PYROXD2: variants seen among roughly 807,000 people sequenced by gnomAD.
PYROXD2 encodes pyridine nucleotide-disulfide oxidoreductase domain-containing protein 2.
A neutral mutation model predicts 71.1 loss-of-function variants in PYROXD2; 69 were observed. The ratio of observed to expected loss-of-function variants is 0.97; its 90% CI spans 0.80 to 1.19. The LOEUF is 1.19. Ranked by LOEUF, PYROXD2 falls within the 50% of genes most tolerant of loss-of-function variation. PYROXD2 has a pLI of 0.00. For missense variants in PYROXD2, 745 were observed against 748.9 expected, an observed-to-expected ratio of 0.99 and a Z score of 0.06; for synonymous variants, 287 against 302.7, an observed-to-expected ratio of 0.95 and a Z score of 0.54.
intron 8 of PYROXD2, among the ~76,000 whole-genome samples, chr10:98,393,820 A>C (rs577273037): frequency 6.6e-6 from 1 of 151,744 alleles, no homozygotes; most frequent in Admixed American, 6.6e-5. Flanking sequence ...TCTAGCAGGC[A>C]CTCCAGCCTC....
intron 8 of PYROXD2, among the ~76,000 whole-genome samples, chr10:98,393,559 C>T (rs1053381587): frequency 6.6e-6 from 1 of 152,160 alleles, no homozygotes; most frequent in Non-Finnish European, 1.5e-5. Context: ...CCATCTACAT[C>T]CACAAAGCAA....
At chr10:98,397,011 C>T (rs1843208934) in intron 6 of PYROXD2, among the ~76,000 whole-genome samples, 1 of 152,154 alleles carries the variant, frequency 6.6e-6, no homozygotes, top group African/African-American at 2.4e-5. Flanking sequence ...ATCTTGTCAC[C>T]CACAGTGCTG....
chr10:98,383,920 TG>T (rs768290091), intron 15 of PYROXD2, 52 bp from the exon 16 acceptor site: 4 of 1,471,838 alleles, frequency 2.7e-6, no homozygotes, highest in South Asian at 1.1e-5. Flanking sequence ...CCTGCCAGGG[TG>T]GGGGTGGGGA....
In PYROXD2 at chr10:98,388,499, A is replaced by G. The variant is rs1369922102; in HGVS notation, c.1302T>C (p.Ile434=). The change falls in exon 13 of 16, where the codon ATT becomes ATC. Residue 434 remains isoleucine (I), a synonymous_variant. Transcript: ENST00000370575. ...CCAGCGAGGAAGGGATGCAGAGCTC[A>G]ATCACAGGCCTGTGCGGGCAGGGAG... The part of the protein sequence containing the change: ...MDGLPSHRPV[I]ELCIPSSLDP... The G allele has an allele frequency of 6.2e-7, 1 of 1,606,546 alleles. No homozygotes were observed. Among genetic ancestry groups the G allele is most frequent in the Non-Finnish European group, 8.5e-7 (1 of 1,177,074 alleles).
rs978780140 is a variant in PYROXD2 at position 98,399,968 on chromosome 10, G to A, written c.471+134C>T. ...TGAGATCAAGAGCTGCCACCAACTG[G>A]AGCCCTCCTAGGAACGTGGGGTGGC... On this transcript the variant is annotated intron_variant, in intron 5 of 15. Transcript: ENST00000370575. The A allele has an allele frequency of 1.7e-5, 18 of 1,068,410 alleles. No homozygotes were observed. The African/African-American group carries it at 2.4e-4, about 14-fold the overall frequency. 66.2% of individuals were successfully genotyped at this position (1,068,410 alleles called of 1,614,324 possible). A position where few individuals can be genotyped will look rare whatever the true frequency, so the allele number is the denominator to read the frequency against.
chr10:98,400,106 G>A lies in PYROXD2; in HGVS notation c.467C>T (p.Ala156Val), dbSNP rs1204327483. The stretch of plus-strand genomic sequence containing the variant: ...GTCACTGGTCGCCTTCCCTACCTGG[G>A]CATCCTTCTGGGAGAACTGGGCGAT... ...KQIAQFSQKDAQVFPKYEEFM... is the reference protein window; with the variant it reads ...KQIAQFSQKDVQVFPKYEEFM... Residue 156 changes from alanine (A) to valine (V), a missense_variant, in exon 5 of 16, where the codon GCC (alanine) becomes GTC (valine). Coordinates refer to ENST00000370575, the MANE Select transcript of PYROXD2 (RefSeq NM_032709.3). 6.2e-7 allele frequency: 1 copy of A among 1,612,668 alleles called. No homozygotes were observed. The highest frequency in any genetic ancestry group is 1.7e-5 in the Admixed American group (1 of 59,924).
intron 10 of PYROXD2, among the ~76,000 whole-genome samples, chr10:98,391,949 CGCATGA>C (rs1381706866): frequency 1.3e-5 from 2 of 152,156 alleles, no homozygotes; most frequent in Non-Finnish European, 2.9e-5. Flanking sequence ...CAACTGCAGA[CGCATGA>C]GCAAGCCTTA....
At position 98,395,351 on chromosome 10, in the gene PYROXD2, C is replaced by T. The variant is rs201931265; in HGVS notation, c.687+40G>A. On this transcript the variant is annotated intron_variant, in intron 7 of 15. Transcript: ENST00000370575. Reference sequence around the variant, plus strand: ...GGAGCCTGGATGGGAGGAGGGCCCTCTCACTGCCTGGTCGGGCCTGAGGCT... The same window carrying T: ...GGAGCCTGGATGGGAGGAGGGCCCTTTCACTGCCTGGTCGGGCCTGAGGCT... 7.3e-5 allele frequency: 117 copies of T among 1,612,862 alleles called. No homozygotes were observed. The African/African-American group carries it at 8.7e-4, about 12-fold the overall frequency.
At chr10:98,404,869 G>A (rs1843542709) in intron 4 of PYROXD2, among the ~76,000 whole-genome samples, 4 of 151,834 alleles carry the variant, frequency 2.6e-5, no homozygotes, top group Admixed American at 2.6e-4. Flanking sequence ...TTCCCCAGCA[G>A]TTTCCCCAGC....
intron 6 of PYROXD2, 79 bp from the exon 7 acceptor site, chr10:98,395,531 A>G (rs1036276546): frequency 7.7e-7 from 1 of 1,295,738 alleles, no homozygotes; most frequent in Non-Finnish European, 1.1e-6. Context: ...GGATAAAAGC[A>G]TGGAGGATGC....
intron 6 of PYROXD2, among the ~76,000 whole-genome samples, chr10:98,395,885 C>A (rs11189592): frequency 0.27 from 40,787 of 152,146 alleles, 5,691 homozygotes; most frequent in South Asian, 0.41. Flanking sequence ...ATTCCTATGA[C>A]CCTGATTCAG....
intron 10 of PYROXD2, among the ~76,000 whole-genome samples, chr10:98,392,190 G>C (rs1045589314): frequency 3.9e-5 from 6 of 152,134 alleles, no homozygotes; most frequent in Admixed American, 3.9e-4. Context: ...GTCAGACCTG[G>C]GTTCTAGCTC....
chr10:98,393,528 C>A (rs1843026986), intron 8 of PYROXD2, among the ~76,000 whole-genome samples: 2 of 152,160 alleles, frequency 1.3e-5, no homozygotes, highest in Admixed American at 6.5e-5. Flanking sequence ...AGGTGTCAGC[C>A]TTGACCGCTA....
At chr10:98,407,218 G>A (rs569462077) in intron 4 of PYROXD2, among the ~76,000 whole-genome samples, 1 of 152,280 alleles carries the variant, frequency 6.6e-6, no homozygotes, top group Admixed American at 6.5e-5. Flanking sequence ...CCAAGAGAGG[G>A]AAGCAGCTCT....
At chr10:98,393,151 C>G in intron 8 of PYROXD2, 68 bp from the exon 9 acceptor site, 5 of 1,235,568 alleles carry the variant, frequency 4.0e-6, no homozygotes, top group Non-Finnish European at 5.5e-6. Flanking sequence ...CCAGGTGCAA[C>G]TATTCCTTTC....
intron 10 of PYROXD2, 111 bp downstream of exon 10, chr10:98,392,321 T>C: frequency 6.6e-7 from 1 of 1,511,270 alleles, no homozygotes; most frequent in Non-Finnish European, 8.8e-7. Flanking sequence ...ATGCAGAGAC[T>C]TGGCTTTTGC....
chr10:98,413,965 G>A (rs1166094076), intron 1 of PYROXD2: 1 of 151,898 alleles, frequency 6.6e-6, no homozygotes, highest in African/African-American at 2.4e-5. Flanking sequence ...TGAGAGTATT[G>A]TATCTTTATT....
chr10:98,390,676 G>C lies in PYROXD2; in HGVS notation c.1214C>G (p.Ser405Cys). The change falls in exon 12 of 16, where the codon TCC becomes TGC. Residue 405 changes from serine to cysteine, a missense_variant. Coordinates refer to ENST00000370575, the MANE Select transcript of PYROXD2 (RefSeq NM_032709.3). ...RGQPLPHHQCSIHLNCEDTLL... is the reference protein window; with the variant it reads ...RGQPLPHHQCCIHLNCEDTLL... ...GGTGTCTTCACAGTTCAGGTGGATG[G>C]AGCATTGGTGATGGGGCAGCGGCTG... 1 of 1,613,162 alleles carries C rather than the reference G, an allele frequency of 6.2e-7. No individual in the cohort carries two copies. The highest frequency in any genetic ancestry group is 8.5e-7 in the Non-Finnish European group (1 of 1,179,480).
In PYROXD2 at chr10:98,392,520, A is replaced by G; in HGVS notation, c.974T>C (p.Val325Ala). 6.2e-7 allele frequency: 1 copy of G among 1,613,276 alleles called. No homozygotes were observed. Among genetic ancestry groups the G allele is most frequent in the Non-Finnish European group, 8.5e-7 (1 of 1,179,974 alleles). Residue 325 changes from valine to alanine, a missense_variant, in exon 10 of 16, where the codon GTT (valine) becomes GCT (alanine). By Grantham distance (64) the Val-to-Ala change is moderately conservative. Transcript: ENST00000370575. The stretch of plus-strand genomic sequence containing the variant: ...CACCTCTGTGCCATCTTCCAGCACA[A>G]CTCCTTGAACACAGCCTTCACTGTT... ...QVNSEGCVQG[V>A]VLEDGTEVRS...
Sources: allele counts gnomAD v4.1 joint callset (sites outside exome capture counted in the v4.1 genomes callset), GRCh38; gene constraint gnomAD v4.1.1; transcripts MANE v1.5; gene names NCBI Gene and HGNC (gene_info 2026-07-23, HGNC 2026-07-21).